EEF2K: variants seen among roughly 807,000 people sequenced by gnomAD.
The protein encoded by EEF2K is alternative protein EEF2K.
A neutral mutation model predicts 93.8 loss-of-function variants in EEF2K; 70 were observed. That is an observed-to-expected ratio of 0.75 (90% confidence interval 0.62 to 0.91). The LOEUF is 0.91. EEF2K is among the 40% of genes least tolerant of loss of function. The pLI is 0.00. For synonymous variants in EEF2K, 376 were observed against 380.8 expected (o/e 0.99, Z 0.15); for missense variants, 935 against 972.9 (o/e 0.96, Z 0.52).
chr16:22,208,728 G>C (rs1341791284), intron 1 of EEF2K, among the ~76,000 whole-genome samples: 1 of 142,628 alleles, frequency 7.0e-6, no homozygotes, highest in East Asian at 2.4e-4. Context: ...GGTGAAACCC[G>C]GTCTCTATTT....
chr16:22,280,335 T>C lies in EEF2K; in HGVS notation c.2027T>C (p.Phe676Ser). 1.2e-6 allele frequency: 2 copies of C among 1,602,132 alleles called. No homozygotes were observed. The highest frequency in any genetic ancestry group is 1.3e-5 in the African/African-American group (1 of 74,556). The change falls in exon 17 of 18, where the codon TTC becomes TCC. Residue 676 changes from phenylalanine (F) to serine (S), a missense_variant. Coordinates refer to ENST00000263026, the MANE Select transcript of EEF2K (RefSeq NM_013302.5). ...CTGGCCAGGGAGGCCGAGATGCTGT[T>C]CACAGGAGGCTACGGGCTGGAGAAG... The part of the protein sequence containing the change: ...MMLAREAEML[F>S]TGGYGLEKDP...
In EEF2K at chr16:22,211,834, C is replaced by G. The variant is rs72768921; in HGVS notation, c.-77+5155C>G. ...GCCAGCTTTTCTTCACTTACTCGTT[C>G]ATTCATGCAGCATGCACTTGTGCAT... is the stretch of plus-strand genomic sequence containing the variant. On this transcript the variant is annotated intron_variant, in intron 1 of 17. Transcript: ENST00000263026. Among the ~76,000 whole-genome samples, 1,056 of 152,252 alleles carry G rather than the reference C, an allele frequency of 6.9e-3. 9 individuals are homozygous for G. The highest frequency in any genetic ancestry group is 0.017 in the Middle Eastern group (5 of 294).
intron 15 of EEF2K, among the ~76,000 whole-genome samples, chr16:22,271,548 C>T (rs764706591): frequency 4.0e-5 from 6 of 151,040 alleles, no homozygotes; most frequent in Non-Finnish European, 7.4e-5. Flanking sequence ...CCCAAAAAAA[C>T]AAATTAGCCT....
chr16:22,256,896 A>G lies in EEF2K; in HGVS notation c.767A>G (p.Gln256Arg). ...VRDDNIRLTP[Q>R]AFSHFTFERS... Reference sequence around the variant, plus strand: ...GATGACAACATCCGCCTGACGCCGCAGGTGAGGCCGAGCTCACCTCCACCC... The same window carrying G: ...GATGACAACATCCGCCTGACGCCGCGGGTGAGGCCGAGCTCACCTCCACCC... Residue 256 changes from glutamine to arginine, a missense_variant and splice_region_variant, in exon 7 of 18, where the codon CAG (glutamine) becomes CGG (arginine). Gln to Arg is a conservative substitution (Grantham distance 43, BLOSUM62 1). Transcript: ENST00000263026. The G allele has an allele frequency of 6.2e-7, 1 of 1,613,784 alleles. No individual in the cohort carries two copies. Among genetic ancestry groups the G allele is most frequent in the Non-Finnish European group, 8.5e-7 (1 of 1,179,950 alleles).
At chr16:22,241,948 C>T (rs1270351852) in intron 2 of EEF2K, among the ~76,000 whole-genome samples, 1 of 151,610 alleles carries the variant, frequency 6.6e-6, no homozygotes, top group Admixed American at 6.6e-5. Flanking sequence ...GGGCAACAAA[C>T]GTAGTGCAAC....
intron 2 of EEF2K, among the ~76,000 whole-genome samples, chr16:22,240,667 C>A (rs1598178528): frequency 6.6e-6 from 1 of 152,310 alleles, no homozygotes; most frequent in Admixed American, 6.5e-5. Flanking sequence ...CCCAGCCAGT[C>A]TGCACATATG....
chr16:22,250,269 A>G (rs1451476103), intron 4 of EEF2K, among the ~76,000 whole-genome samples: 1 of 152,112 alleles, frequency 6.6e-6, no homozygotes, highest in East Asian at 1.9e-4. Context: ...ATGGTATTTC[A>G]TTGAAGGAAT....
In EEF2K at chr16:22,257,824, A is replaced by G. The variant is rs1427293029; in HGVS notation, c.1029+54A>G. On this transcript the variant is annotated intron_variant, in intron 9 of 17. Transcript: ENST00000263026. Reference sequence around the variant, plus strand: ...CTGGCAGGCCCTTCTGCTACTTGCAAAGCAAGCCCTGCTCCCCTGTGTGGT... The same window carrying G: ...CTGGCAGGCCCTTCTGCTACTTGCAGAGCAAGCCCTGCTCCCCTGTGTGGT... 5.0e-6 allele frequency: 8 copies of G among 1,595,728 alleles called. No homozygotes were observed. The East Asian group carries it at 1.6e-4, about 31-fold the overall frequency.
chr16:22,283,631 T>C (rs1358197636), intron 17 of EEF2K, among the ~76,000 whole-genome samples: 3 of 152,178 alleles, frequency 2.0e-5, no homozygotes, highest in African/African-American at 2.4e-5. Context: ...TGGCTTACTC[T>C]GATTGGCCAT....
chr16:22,274,443 CAAAAA>C (rs755376945), intron 16 of EEF2K, among the ~76,000 whole-genome samples: 2 of 69,960 alleles, frequency 2.9e-5, no homozygotes, highest in Non-Finnish European at 2.9e-5. Context: ...GATTCCCTCT[CAAAAA>C]AAAAAAAAAA....
intron 12 of EEF2K, among the ~76,000 whole-genome samples, chr16:22,264,484 A>C (rs1396117428): frequency 2.0e-5 from 3 of 151,890 alleles, no homozygotes; most frequent in South Asian, 2.1e-4. Flanking sequence ...TTAAAATATA[A>C]ACTAAACATG....
chr16:22,277,362 T>G (rs570900004), intron 16 of EEF2K, among the ~76,000 whole-genome samples: 4 of 152,266 alleles, frequency 2.6e-5, no homozygotes, highest in African/African-American at 7.2e-5. Flanking sequence ...CTCAAACTCC[T>G]GGGCTCAAGA....
At chr16:22,268,497 C>T (rs2047546413) in intron 15 of EEF2K, among the ~76,000 whole-genome samples, 1 of 151,830 alleles carries the variant, frequency 6.6e-6, no homozygotes, top group African/African-American at 2.4e-5. Context: ...GACAGGTTCT[C>T]ACTCTGTCAC....
intron 6 of EEF2K, among the ~76,000 whole-genome samples, chr16:22,255,869 C>T (rs2047393642): frequency 6.6e-6 from 1 of 151,806 alleles, no homozygotes; most frequent in Non-Finnish European, 1.5e-5. Flanking sequence ...ATGATTATGA[C>T]ACTGCACTCC....
chr16:22,260,837 C>T (rs1234495455), intron 11 of EEF2K, among the ~76,000 whole-genome samples: 1 of 152,142 alleles, frequency 6.6e-6, no homozygotes, highest in Non-Finnish European at 1.5e-5. Context: ...GGTTTGACCC[C>T]ACATGTGTTG....
intron 2 of EEF2K, among the ~76,000 whole-genome samples, chr16:22,229,988 C>T (rs2047099740): frequency 6.6e-6 from 1 of 152,158 alleles, no homozygotes; most frequent in South Asian, 2.1e-4. Context: ...TGGAGTTACT[C>T]TGGGGCAGGC....
At chr16:22,279,047 T>C (rs1170937772) in intron 16 of EEF2K, among the ~76,000 whole-genome samples, 1 of 152,080 alleles carries the variant, frequency 6.6e-6, no homozygotes, top group African/African-American at 2.4e-5. Context: ...TCCACTTCTC[T>C]ACAAGTCAGA....
At chr16:22,261,018 C>A (rs146086214) in intron 11 of EEF2K, among the ~76,000 whole-genome samples, 1 of 152,294 alleles carries the variant, frequency 6.6e-6, no homozygotes, top group Non-Finnish European at 1.5e-5. Flanking sequence ...TGCATTCTCA[C>A]AAATGTATAT....
At chr16:22,247,037 C>CAAAAAAA (rs57073413) in intron 3 of EEF2K, among the ~76,000 whole-genome samples, 104 of 13,686 alleles carry the variant, frequency 7.6e-3, no homozygotes, top group Non-Finnish European at 0.011. Context: ...GACTCCATCT[C>CAAAAAAA]AAAAAAAAAA....
Sources: allele counts gnomAD v4.1 joint callset (sites outside exome capture counted in the v4.1 genomes callset), GRCh38; gene constraint gnomAD v4.1.1; transcripts MANE v1.5; gene names NCBI Gene and HGNC (gene_info 2026-07-23, HGNC 2026-07-21).